The following CTNNA3 variants were observed in gnomAD, a reference collection of about 807,000 sequenced individuals.
CTNNA3 encodes the protein catenin alpha 3.
CTNNA3 carries 76 observed loss-of-function variants against 95.7 expected under a neutral mutation model. That is an observed-to-expected ratio of 0.79 (90% CI 0.66 to 0.96). The LOEUF (loss-of-function observed/expected upper bound fraction) is 0.96. Ranked by LOEUF, CTNNA3 falls within the 40% of genes least tolerant of loss-of-function variation. The pLI is 0.00. For missense variants in CTNNA3, 1,191 were observed against 1,089.8 expected, an observed-to-expected ratio of 1.09 and a Z score of -1.31; for synonymous variants, 431 against 374.4, an observed-to-expected ratio of 1.15 and a Z score of -1.74.
At chr10:66,370,093 T>C (rs2092742997) in intron 12 of CTNNA3, among the ~76,000 whole-genome samples, 1 of 152,098 alleles carries the variant, frequency 6.6e-6, no homozygotes, top group South Asian at 2.1e-4. Context: ...TGGTTTATGT[T>C]CTCTCCCAAA....
At chr10:67,663,110 T>C (rs556787185) in intron 1 of CTNNA3, among the ~76,000 whole-genome samples, 2 of 152,324 alleles carry the variant, frequency 1.3e-5, no homozygotes, top group Non-Finnish European at 1.5e-5. Flanking sequence ...AAACCCTACC[T>C]AACTTCTTAA....
Position 65,912,790 on chromosome 10 carries a change from G to C in CTNNA3, c.*7540C>G, listed in dbSNP as rs1023321789. The C allele has an allele frequency of 1.3e-5, 2 of 152,124 alleles. No individual in the cohort carries two copies. The highest frequency in any genetic ancestry group is 4.8e-5 in the African/African-American group (2 of 41,426). The allele number at this position is 152,124 out of a possible 1,614,324, so 9.4% of individuals were successfully genotyped here. A position where few individuals can be genotyped will look rare whatever the true frequency, so the allele number is the denominator to read the frequency against. On this transcript the variant is annotated 3_prime_UTR_variant, in exon 18 of 18. Transcript: ENST00000433211. The stretch of plus-strand genomic sequence containing the variant: ...GCTTCTATGTCAATGTCATAGGAAA[G>C]AGCTTTTTCTATTTCTGGATAAATA...
At chr10:66,285,198 G>A (rs547137247) in intron 12 of CTNNA3, among the ~76,000 whole-genome samples, 1 of 151,808 alleles carries the variant, frequency 6.6e-6, no homozygotes, top group African/African-American at 2.4e-5. Context: ...AGAATATCTG[G>A]AATATCTTCA....
At chr10:66,340,309 T>G (rs2092440451) in intron 12 of CTNNA3, among the ~76,000 whole-genome samples, 1 of 151,832 alleles carries the variant, frequency 6.6e-6, no homozygotes, top group Non-Finnish European at 1.5e-5. Context: ...ATACCAATTC[T>G]ATGTCAAGTT....
At chr10:66,641,727 C>A (rs1228669865) in intron 9 of CTNNA3, among the ~76,000 whole-genome samples, 1 of 151,948 alleles carries the variant, frequency 6.6e-6, no homozygotes, top group Non-Finnish European at 1.5e-5. Flanking sequence ...AATCCAGGAC[C>A]CCTGCCCTGG....
intron 10 of CTNNA3, among the ~76,000 whole-genome samples, chr10:66,614,299 C>A (rs1383678012): frequency 1.3e-5 from 2 of 152,016 alleles, no homozygotes; most frequent in African/African-American, 4.8e-5. Flanking sequence ...CCAGCATTTA[C>A]CTGCCAATGA....
intron 17 of CTNNA3, among the ~76,000 whole-genome samples, chr10:65,935,402 CTT>C (rs2077321209): frequency 6.6e-6 from 1 of 151,982 alleles, no homozygotes; most frequent in Non-Finnish European, 1.5e-5. Flanking sequence ...GTTTTGTTCT[CTT>C]TTAAAATATC....
chr10:66,021,852 C>CTATTTTTTTTTTTTTTTT (rs2079218983), intron 15 of CTNNA3, among the ~76,000 whole-genome samples: 2 of 75,952 alleles, frequency 2.6e-5, no homozygotes, highest in Non-Finnish European at 4.9e-5. Flanking sequence ...AGGATCTTGG[C>CTATTTTTTTTTTTTTTTT]TTTTTTTTTT....
intron 11 of CTNNA3, among the ~76,000 whole-genome samples, chr10:66,393,589 C>T (rs543053008): frequency 3.0e-4 from 46 of 152,156 alleles, no homozygotes; most frequent in Middle Eastern, 3.4e-3. Context: ...GAGAATATAA[C>T]TAAGAAAAAG....
chr10:66,543,892 T>C (rs1841945392), intron 10 of CTNNA3, among the ~76,000 whole-genome samples: 1 of 137,000 alleles, frequency 7.3e-6, no homozygotes, highest in Non-Finnish European at 1.5e-5. Flanking sequence ...AGCTAATCCT[T>C]CTTGAGATGT....
At chr10:67,424,106 T>C (rs2132875677) in intron 5 of CTNNA3, among the ~76,000 whole-genome samples, 2 of 152,310 alleles carry the variant, frequency 1.3e-5, no homozygotes, top group Middle Eastern at 6.8e-3. Context: ...TGAGCTGTTC[T>C]GTTACCATCT....
At chr10:67,022,367 T>C (rs1035214637) in intron 7 of CTNNA3, among the ~76,000 whole-genome samples, 1 of 152,042 alleles carries the variant, frequency 6.6e-6, no homozygotes, top group African/African-American at 2.4e-5. Context: ...GTGTGTTCTA[T>C]GAAGGAACAA....
chr10:66,496,532 T>C (rs1304455907), intron 11 of CTNNA3, among the ~76,000 whole-genome samples: 1 of 152,192 alleles, frequency 6.6e-6, no homozygotes, highest in African/African-American at 2.4e-5. Context: ...ATTTCAAAGT[T>C]GTCACAAATA....
chr10:66,573,403 G>A (rs917384928), intron 10 of CTNNA3, among the ~76,000 whole-genome samples: 3 of 152,152 alleles, frequency 2.0e-5, no homozygotes, highest in Non-Finnish European at 2.9e-5. Flanking sequence ...TAACACAGCT[G>A]TCTCCTCCCA....
chr10:67,436,659 T>C (rs1398543683), intron 5 of CTNNA3, among the ~76,000 whole-genome samples: 2 of 151,884 alleles, frequency 1.3e-5, no homozygotes, highest in African/African-American at 4.8e-5. Flanking sequence ...AAAAATGGGC[T>C]AAAGACATGA....
intron 13 of CTNNA3, among the ~76,000 whole-genome samples, chr10:66,201,783 C>CTTTT (rs1236010501): frequency 0.035 from 2,793 of 79,244 alleles, 166 homozygotes; most frequent in African/African-American, 0.055. Context: ...TTTACTTTTT[C>CTTTT]TTTTTTTTTT....
At chr10:66,283,960 A>G (rs912289235) in intron 12 of CTNNA3, among the ~76,000 whole-genome samples, 8 of 151,906 alleles carry the variant, frequency 5.3e-5, no homozygotes, top group Non-Finnish European at 1.0e-4. Flanking sequence ...AATGAGGTTT[A>G]GACATTAATA....
intron 7 of CTNNA3, among the ~76,000 whole-genome samples, chr10:66,952,084 C>G (rs888700389): frequency 6.6e-6 from 1 of 152,150 alleles, no homozygotes; most frequent in Non-Finnish European, 1.5e-5. Flanking sequence ...TATTTTCCAG[C>G]ATGCTGGGTC....
At chr10:67,372,447 A>G (rs1589226011) in intron 5 of CTNNA3, among the ~76,000 whole-genome samples, 1 of 152,328 alleles carries the variant, frequency 6.6e-6, no homozygotes, top group African/African-American at 2.4e-5. Flanking sequence ...AAAGAAACGA[A>G]TAAAGCCTCC....
Sources: gnomAD v4.1 joint callset for allele counts (sites outside exome capture counted in the v4.1 genomes callset) on GRCh38, gnomAD v4.1.1 for gene constraint, MANE v1.5 for transcripts, NCBI Gene and HGNC (gene_info 2026-07-23, HGNC 2026-07-21) for gene names.